Variants in ABCB7 observed in about 807,000 individuals in gnomAD.
ABCB7 encodes iron-sulfur clusters transporter ABCB7, mitochondrial.
In ABCB7, 7 loss-of-function variants were observed where a neutral mutation model predicts 54.4. The ratio of observed to expected loss-of-function variants is 0.13; its 90% CI spans 0.07 to 0.24. The LOEUF is 0.24. Among genes scored for constraint, ABCB7 ranks in the 10% least tolerant of loss-of-function variants. The pLI is 1.00. For synonymous variants in ABCB7, 218 were observed against 207.1 expected (o/e 1.05, Z -0.45); for missense variants, 356 against 570.4 (o/e 0.62, Z 3.83).
chrX:75,065,733 CTGTG>C (rs1475102987), intron 12 of ABCB7, among the ~76,000 whole-genome samples: 1 of 111,615 alleles, frequency 9.0e-6, no homozygotes, highest in African/African-American at 3.3e-5. Context: ...CTTTGTACAA[CTGTG>C]TGTTTCTGTA....
At chrX:75,084,284 C>T (rs1017693953) in intron 4 of ABCB7, among the ~76,000 whole-genome samples, 6 of 111,515 alleles carry the variant, frequency 5.4e-5, no homozygotes, top group Non-Finnish European at 7.5e-5. Flanking sequence ...TTTTCAGCTA[C>T]TATTTTTGTG....
At chrX:75,081,439 T>C (rs2081454681) in intron 4 of ABCB7, among the ~76,000 whole-genome samples, 1 of 111,914 alleles carries the variant, frequency 8.9e-6, no homozygotes, top group Non-Finnish European at 1.9e-5. Context: ...ATGGGCTCCA[T>C]GGCAAAATGG....
intron 3 of ABCB7, 68 bp downstream of exon 3, chrX:75,112,818 T>G: frequency 2.3e-6 from 2 of 876,095 alleles, no homozygotes; most frequent in South Asian, 2.0e-5. Flanking sequence ...ATTATAATCT[T>G]AAATACATAT....
chrX:75,058,212 CT>C (rs894907744), intron 15 of ABCB7, among the ~76,000 whole-genome samples: 7 of 110,947 alleles, frequency 6.3e-5, no homozygotes, highest in African/African-American at 2.3e-4. Context: ...AATCAACTTG[CT>C]TTTTTTTAAA....
intron 3 of ABCB7, among the ~76,000 whole-genome samples, chrX:75,104,450 A>T (rs1300193664): frequency 9.1e-6 from 1 of 110,041 alleles, no homozygotes; most frequent in Non-Finnish European, 1.9e-5. Flanking sequence ...TAGAGGAAAT[A>T]TATAAATTTC....
intron 1 of ABCB7, among the ~76,000 whole-genome samples, chrX:75,144,472 T>C (rs1248611068): frequency 9.0e-6 from 1 of 111,707 alleles, no homozygotes; most frequent in African/African-American, 3.3e-5. Flanking sequence ...GGAGCCTTTT[T>C]TCTAATCCTG....
At chrX:75,070,032 G>A (rs1389963664) in intron 10 of ABCB7, among the ~76,000 whole-genome samples, 4 of 110,271 alleles carry the variant, frequency 3.6e-5, no homozygotes, top group South Asian at 7.9e-4. Flanking sequence ...GTGCCATCAC[G>A]CCCAGCTAAT....
At chrX:75,089,236 T>C (rs1277271349) in intron 4 of ABCB7, among the ~76,000 whole-genome samples, 1 of 112,009 alleles carries the variant, frequency 8.9e-6, no homozygotes, top group East Asian at 2.8e-4. Flanking sequence ...AAACCTCAGA[T>C]TTACATTTAA....
In ABCB7 at chrX:75,065,941, G is replaced by C. The variant is rs758342745; in HGVS notation, c.1660-700C>G. 1.1e-3 allele frequency among the ~76,000 whole-genome samples: 121 copies of C among 111,604 alleles called. 1 individual carries two copies. The highest frequency in any genetic ancestry group is 3.8e-3 in the African/African-American group (117 of 30,802). On this transcript the variant is annotated intron_variant, in intron 12 of 15. Transcript: ENST00000373394. ...TGGATATTAATAATTTTTAGGTGTTGCTATTCTTAGGGGAAAAATGTGTTT... is the reference window on the plus strand; with the variant it reads ...TGGATATTAATAATTTTTAGGTGTTCCTATTCTTAGGGGAAAAATGTGTTT...
At chrX:75,113,042 A>G in intron 2 of ABCB7, 70 bp from the exon 3 acceptor site, 1 of 949,128 alleles carries the variant, frequency 1.1e-6, no homozygotes, top group Non-Finnish European at 1.5e-6. Flanking sequence ...ATTTGGCTTG[A>G]ACAGTCTAAT....
intron 4 of ABCB7, among the ~76,000 whole-genome samples, chrX:75,095,309 C>G (rs2081581254): frequency 9.0e-6 from 1 of 111,471 alleles, no homozygotes; most frequent in Non-Finnish European, 1.9e-5. Context: ...TAGGAAAGAT[C>G]AGAATATAAA....
chrX:75,101,415 AGAGTAT>A (rs2081638875), intron 3 of ABCB7, among the ~76,000 whole-genome samples: 1 of 110,657 alleles, frequency 9.0e-6, no homozygotes, highest in Non-Finnish European at 1.9e-5. Flanking sequence ...TATCGCATAA[AGAGTAT>A]TAGAAATAAA....
intron 4 of ABCB7, chrX:75,097,624 T>TACATAATATAGGGAAAAAATAAGTGG (rs1455035308): frequency 1.5e-4 from 17 of 111,276 alleles, no homozygotes; most frequent in African/African-American, 5.5e-4. Flanking sequence ...AAGGAGAGTA[T>TACATAATATAGGGAAAAAATAAGTGG]ACATAATATA....
At chrX:75,126,185 C>G (rs146494615) in intron 1 of ABCB7, among the ~76,000 whole-genome samples, 23 of 111,126 alleles carry the variant, frequency 2.1e-4, no homozygotes, top group Non-Finnish European at 4.2e-4. Flanking sequence ...ATTATCCCAC[C>G]AAACTTTTCA....
intron 1 of ABCB7, among the ~76,000 whole-genome samples, chrX:75,127,498 C>G (rs539873425): frequency 1.8e-5 from 2 of 111,852 alleles, no homozygotes; most frequent in African/African-American, 6.5e-5. Flanking sequence ...AAAACTGGCA[C>G]AAGGACATGG....
At chrX:75,064,104 G>A (rs941627074) in intron 13 of ABCB7, among the ~76,000 whole-genome samples, 7 of 111,530 alleles carry the variant, frequency 6.3e-5, no homozygotes, top group African/African-American at 1.6e-4. Context: ...ATACTACCAG[G>A]TAATGACCCA....
At chrX:75,088,563 G>C (rs376307916) in intron 4 of ABCB7, among the ~76,000 whole-genome samples, 1 of 111,536 alleles carries the variant, frequency 9.0e-6, no homozygotes, top group East Asian at 2.8e-4. Flanking sequence ...AAATAGAAAA[G>C]AATCAGTGAG....
At chrX:75,075,324 T>G in intron 6 of ABCB7, 38 bp downstream of exon 6, 1 of 1,193,205 alleles carries the variant, frequency 8.4e-7, no homozygotes, top group South Asian at 1.8e-5. Context: ...TAATGAGAAT[T>G]TAAGATAAAA....
At chrX:75,100,757 T>C (rs748638312) in intron 3 of ABCB7, among the ~76,000 whole-genome samples, 21 of 111,873 alleles carry the variant, frequency 1.9e-4, no homozygotes, top group Admixed American at 9.5e-4. Flanking sequence ...TCCACATGAG[T>C]AATCACTCTA....
Sources: gnomAD v4.1 joint callset for allele counts (sites outside exome capture counted in the v4.1 genomes callset) on GRCh38, gnomAD v4.1.1 for gene constraint, MANE v1.5 for transcripts, NCBI Gene and HGNC (gene_info 2026-07-23, HGNC 2026-07-21) for gene names.